The following SCMH1 variants were observed in gnomAD, a reference collection of about 807,000 sequenced individuals.
SCMH1 encodes polycomb protein SCMH1.
SCMH1 carries 37 observed loss-of-function variants against 70.8 expected under a neutral mutation model. That is an observed-to-expected ratio of 0.52 (90% confidence interval 0.40 to 0.69). The LOEUF is 0.69. SCMH1 is among the 30% of genes least tolerant of loss of function. The pLI is 0.00. For missense variants in SCMH1, 607 were observed against 827.3 expected, an observed-to-expected ratio of 0.73 and a Z score of 3.27; for synonymous variants, 292 against 307.4, an observed-to-expected ratio of 0.95 and a Z score of 0.52.
chr1:41,091,743 C>G (rs1318964738), intron 8 of SCMH1, among the ~76,000 whole-genome samples: 2 of 152,038 alleles, frequency 1.3e-5, no homozygotes, highest in Admixed American at 6.6e-5. Context: ...AAACAGAGAG[C>G]CAAATCATGA....
chr1:41,086,691 G>A (rs1661772981), intron 8 of SCMH1, among the ~76,000 whole-genome samples: 2 of 152,084 alleles, frequency 1.3e-5, no homozygotes, highest in African/African-American at 4.8e-5. Context: ...GGTCACTTGA[G>A]GCTAGGAATT....
intron 14 of SCMH1, 88 bp from the exon 16 acceptor site, chr1:41,028,407 C>T (rs1292489381): frequency 6.4e-7 from 1 of 1,558,656 alleles, no homozygotes; most frequent in East Asian, 2.2e-5. Flanking sequence ...GATTATAGGC[C>T]ATCCTGGGAA....
At chr1:41,102,446 A>C (rs993369808) in intron 8 of SCMH1, among the ~76,000 whole-genome samples, 2 of 152,220 alleles carry the variant, frequency 1.3e-5, no homozygotes, top group South Asian at 2.1e-4. Context: ...CTTAAACAGC[A>C]TGGGTTGCCT....
intron 1 of SCMH1, among the ~76,000 whole-genome samples, chr1:41,216,673 C>T (rs1192976698): frequency 6.6e-6 from 1 of 152,130 alleles, no homozygotes; most frequent in Non-Finnish European, 1.5e-5. Context: ...CTTTACAGTA[C>T]AACTAGACAC....
At chr1:41,104,224 A>G (rs1250561299) in intron 8 of SCMH1, among the ~76,000 whole-genome samples, 1 of 152,202 alleles carries the variant, frequency 6.6e-6, no homozygotes, top group Non-Finnish European at 1.5e-5. Flanking sequence ...ACCTCCAGTG[A>G]ACCTAGCACT....
chr1:41,127,325 TG>T (rs1336036325), intron 6 of SCMH1, among the ~76,000 whole-genome samples: 3 of 152,126 alleles, frequency 2.0e-5, no homozygotes, highest in African/African-American at 7.2e-5. Context: ...TTGCTTGGAG[TG>T]TTTTTTTCCC....
intron 1 of SCMH1, among the ~76,000 whole-genome samples, chr1:41,225,381 A>G (rs974043374): frequency 1.3e-5 from 2 of 152,234 alleles, no homozygotes; most frequent in Non-Finnish European, 2.9e-5. Flanking sequence ...TTCTATTTTT[A>G]TATCTGAGAT....
chr1:41,219,965 A>G (rs1658921349), intron 1 of SCMH1, among the ~76,000 whole-genome samples: 1 of 152,162 alleles, frequency 6.6e-6, no homozygotes, highest in Non-Finnish European at 1.5e-5. Context: ...ACAAGATACA[A>G]GTCACTTGGT....
At chr1:41,147,262 C>T (rs1015656877) in intron 5 of SCMH1, among the ~76,000 whole-genome samples, 2 of 152,080 alleles carry the variant, frequency 1.3e-5, no homozygotes, top group Admixed American at 6.6e-5. Context: ...CTTTTTCTGG[C>T]CCATTTGCAT....
At chr1:41,186,566 C>T (rs1031343210) in intron 1 of SCMH1, among the ~76,000 whole-genome samples, 8 of 152,164 alleles carry the variant, frequency 5.3e-5, no homozygotes, top group African/African-American at 1.7e-4. Context: ...AACCCATTAA[C>T]ATGGTGTTAT....
chr1:41,210,891 C>A (rs146263512), intron 1 of SCMH1, among the ~76,000 whole-genome samples: 1,946 of 151,808 alleles, frequency 0.013, 40 homozygotes, highest in African/African-American at 0.045. Flanking sequence ...CTCACTGCAA[C>A]CTCCGCCTCC....
chr1:41,212,169 A>G (rs186276422), intron 1 of SCMH1, among the ~76,000 whole-genome samples: 20 of 152,266 alleles, frequency 1.3e-4, no homozygotes, highest in African/African-American at 4.8e-4. Flanking sequence ...TAAATAAATA[A>G]ATACGAAACA....
chr1:41,037,432 G>T, exon 13 of SCMH1: 2 of 1,614,238 alleles, frequency 1.2e-6, no homozygotes, highest in Non-Finnish European at 1.7e-6. Context: ...GCAAGGGCCG[G>T]TGCCTTTGGG....
chr1:41,130,692 C>T (rs778835404), intron 6 of SCMH1, among the ~76,000 whole-genome samples: 1 of 152,112 alleles, frequency 6.6e-6, no homozygotes, highest in Non-Finnish European at 1.5e-5. Context: ...GGTTTTAGTA[C>T]TCTGTGAACA....
Position 41,113,192 on chromosome 1 carries a change from G to T in SCMH1, c.745+91C>A. 1.3e-6 allele frequency: 2 copies of T among 1,488,134 alleles called. No homozygotes were observed. Among genetic ancestry groups the T allele is most frequent in the South Asian group, 1.3e-5 (1 of 74,900 alleles). 92.2% of individuals were successfully genotyped at this position (1,488,134 alleles called of 1,614,324 possible). A position where few individuals can be genotyped will look rare whatever the true frequency, so the allele number is the denominator to read the frequency against. On this transcript the variant is annotated intron_variant, in intron 8 of 14. Transcript: ENST00000337495. This position sits in a 1 kb window ranked among gnomAD's most constrained non-coding sequence, Gnocchi z 4.3. The stretch of plus-strand genomic sequence containing the variant: ...TGCTCCTCCCCTGCATACTAGTGAA[G>T]TATACTGGTGAAGATATGATCATGA...
At chr1:41,029,543 T>C (rs1234571456) in intron 13 of SCMH1, among the ~76,000 whole-genome samples, 1 of 152,198 alleles carries the variant, frequency 6.6e-6, no homozygotes. Flanking sequence ...AATGTTAATT[T>C]AGTGTTTTGC....
At chr1:41,228,373 G>A (rs912821649) in intron 1 of SCMH1, among the ~76,000 whole-genome samples, 2 of 152,100 alleles carry the variant, frequency 1.3e-5, no homozygotes, top group African/African-American at 4.8e-5. Flanking sequence ...ACTATACTTA[G>A]TACTGTTAAA....
intron 5 of SCMH1, among the ~76,000 whole-genome samples, chr1:41,150,293 A>G (rs113984569): frequency 6.6e-6 from 1 of 152,100 alleles, no homozygotes; most frequent in Non-Finnish European, 1.5e-5. Flanking sequence ...ACCTGAAATC[A>G]GGAGCTGGAG....
intron 6 of SCMH1, among the ~76,000 whole-genome samples, chr1:41,122,216 T>C (rs767078515): frequency 7.9e-5 from 12 of 152,198 alleles, no homozygotes; most frequent in Non-Finnish European, 1.6e-4. Context: ...GGACCTTGCT[T>C]ACTCCTCATT....
Sources: gnomAD v4.1 joint callset for allele counts (sites outside exome capture counted in the v4.1 genomes callset) on GRCh38, gnomAD v4.1.1 for gene constraint, Gnocchi (gnomAD v3.1) non-coding constraint, MANE v1.5 for transcripts, NCBI Gene and HGNC (gene_info 2026-07-23, HGNC 2026-07-21) for gene names.